The following TRAF7 variants were observed in gnomAD, a reference collection of about 807,000 sequenced individuals.
TRAF7 encodes the protein E3 ubiquitin-protein ligase TRAF7.
Under a neutral mutation model 89.3 loss-of-function variants are expected in TRAF7, and 45 were observed. That is an observed-to-expected ratio of 0.50 (90% CI 0.40 to 0.65). TRAF7 has a LOEUF of 0.65. TRAF7 is among the 30% of genes least tolerant of loss of function. The pLI is 0.00. For synonymous variants in TRAF7, 406 were observed against 369.2 expected (o/e 1.10, Z -1.14); for missense variants, 677 against 918.1 (o/e 0.74, Z 3.39).
At chr16:2,175,710 C>G (rs1328235878) in intron 17 of TRAF7, 88 bp downstream of exon 17, 15 of 1,588,338 alleles carry the variant, frequency 9.4e-6, no homozygotes, top group Non-Finnish European at 5.1e-6. Flanking sequence ...CTGCCCTGTT[C>G]CTACCTTCGC....
In TRAF7 at chr16:2,175,055, G is replaced by A. The variant is rs559464131; in HGVS notation, c.1347-56G>A. 4.5e-5 allele frequency: 72 copies of A among 1,608,746 alleles called. No individual in the cohort carries two copies. In the South Asian group the frequency reaches 6.4e-4, roughly 14 times the overall value. ...CATGGACCTCGGGCCCTGCCAGGGCGGTGTCAGCATGGACACAGCTTCTCC... is the reference window on the plus strand; with the variant it reads ...CATGGACCTCGGGCCCTGCCAGGGCAGTGTCAGCATGGACACAGCTTCTCC... On this transcript the variant is annotated intron_variant, in intron 14 of 20. Coordinates refer to ENST00000326181, the MANE Select transcript of TRAF7 (RefSeq NM_032271.3).
chr16:2,171,586 G>A lies in TRAF7; in HGVS notation c.456G>A (p.Arg152=). The A allele has an allele frequency of 6.2e-7, 1 of 1,613,348 alleles. No individual in the cohort carries two copies. The highest frequency in any genetic ancestry group is 8.5e-7 in the Non-Finnish European group (1 of 1,179,914). ...VITTCGHTFC[R]RCALKSEKCP... is the part of the protein sequence containing the mutation. ...TGCCTCCACAGCACACGTTCTGTAG[G>A]AGATGCGCCTTGAAGTCAGGTAGGT... The change falls in exon 7 of 21, where the codon AGG becomes AGA. Residue 152 remains arginine (R), a synonymous_variant. Transcript: ENST00000326181.
Position 2,163,492 on chromosome 16 carries a change from G to A in TRAF7, c.-38-391G>A, listed in dbSNP as rs751385844. ...CGTCCCGCCACGTGGGCCACACCCT[G>A]GGCCTACCCACCAAGGCCCAGCCTT... On this transcript the variant is annotated intron_variant, in intron 1 of 20. Coordinates refer to ENST00000326181, the MANE Select transcript of TRAF7 (RefSeq NM_032271.3). The surrounding 1 kb of genome is among the most constrained non-coding windows in gnomAD (Gnocchi z 4.3). 1.7e-5 allele frequency: 4 copies of A among 232,202 alleles called. No homozygotes were observed. Among genetic ancestry groups the A allele is most frequent in the Non-Finnish European group, 3.5e-5 (4 of 114,516 alleles). The allele number at this position is 232,202 out of a possible 1,614,324, so 14.4% of individuals were successfully genotyped here. A position where few individuals can be genotyped will look rare whatever the true frequency, so the allele number is the denominator to read the frequency against.
Position 2,173,462 on chromosome 16 carries a change from C to T in TRAF7, c.1013-19C>T. 1 of 1,613,120 alleles carries T rather than the reference C, an allele frequency of 6.2e-7. No homozygotes were observed. Among genetic ancestry groups the T allele is most frequent in the South Asian group, 1.1e-5 (1 of 91,078 alleles). On this transcript the variant is annotated intron_variant, in intron 10 of 20. Transcript: ENST00000326181. ...CTGCTCCGGGCACCAGTGACACCCC[C>T]TCTCCTCCTGCTACTCAGACGTCCT...
intron 1 of TRAF7, among the ~76,000 whole-genome samples, chr16:2,157,629 C>G (rs1460031244): frequency 6.6e-6 from 1 of 152,044 alleles, no homozygotes; most frequent in South Asian, 2.1e-4. Flanking sequence ...GTGTGACTCT[C>G]GGCCAGCTGG....
intron 2 of TRAF7, 48 bp downstream of exon 2, chr16:2,164,049 A>G (rs1418257721): frequency 6.5e-7 from 1 of 1,527,152 alleles, no homozygotes; most frequent in South Asian, 1.2e-5. Flanking sequence ...GACCCCCAGC[A>G]TGCCCCAGGG....
In TRAF7 at chr16:2,163,848, A is replaced by ATC; in HGVS notation, c.-38-30_-38-29dup. The ATC allele has an allele frequency of 7.2e-7, 1 of 1,384,166 alleles. No homozygotes were observed. Among genetic ancestry groups the ATC allele is most frequent in the Non-Finnish European group, 1.0e-6 (1 of 987,504 alleles). The allele number at this position is 1,384,166 out of a possible 1,614,324, so 85.7% of individuals were successfully genotyped here. A position where few individuals can be genotyped will look rare whatever the true frequency, so the allele number is the denominator to read the frequency against. On this transcript the variant is annotated intron_variant, in intron 1 of 20. Coordinates refer to ENST00000326181, the MANE Select transcript of TRAF7 (RefSeq NM_032271.3). The surrounding 1 kb of genome is among the most constrained non-coding windows in gnomAD (Gnocchi z 4.3). ...TCTGACTCACAGGGGCCTGGGCTCC[A>ATC]TCTCTCAAGCCCCTCATTTGTGCTC...
Position 2,175,962 on chromosome 16 carries a change from T to G in TRAF7, c.1746+9T>G. On this transcript the variant is annotated intron_variant, in intron 18 of 20. Coordinates refer to ENST00000326181, the MANE Select transcript of TRAF7 (RefSeq NM_032271.3). The stretch of plus-strand genomic sequence containing the variant: ...ACGAGAACCTCATCCACGTAAGGCC[T>G]GGGCATCTGGGTGCAAGGCCAGACT... 1 of 1,613,068 alleles carries G rather than the reference T, an allele frequency of 6.2e-7. No individual in the cohort carries two copies. Among genetic ancestry groups the G allele is most frequent in the South Asian group, 1.1e-5 (1 of 91,078 alleles).
At position 2,165,901 on chromosome 16, in the gene TRAF7, G is replaced by C; in HGVS notation, c.104G>C (p.Gly35Ala). 6.2e-7 allele frequency: 1 copy of C among 1,614,108 alleles called. No individual in the cohort carries two copies. Among genetic ancestry groups the C allele is most frequent in the South Asian group, 1.1e-5 (1 of 91,092 alleles). The change falls in exon 3 of 21, where the codon GGA (glycine) becomes GCA (alanine). Residue 35 changes from glycine to alanine, a missense_variant. By Grantham distance (60) the Gly-to-Ala change is moderately conservative (BLOSUM62 0). Around this residue, in one of 6 missense-constraint regions of TRAF7, gnomAD observed 240 missense variants for 191.9 expected, o/e 1.25. Transcript: ENST00000326181. ...TAGACCAGAATGGAAACGACCTTCGGACCCGCCTTTTCAGCCGTCACCACC... is the reference window on the plus strand; with the variant it reads ...TAGACCAGAATGGAAACGACCTTCGCACCCGCCTTTTCAGCCGTCACCACC... The part of the protein sequence containing the change: ...TTGTRMETTF[G>A]PAFSAVTTIT...
At chr16:2,170,555 C>A in intron 4 of TRAF7, 59 bp from the exon 5 acceptor site, 2 of 1,367,166 alleles carry the variant, frequency 1.5e-6, no homozygotes, top group Non-Finnish European at 2.1e-6. Context: ...GGGTCCTGTC[C>A]TCCCCGAGGC....
At chr16:2,164,304 CCT>C (rs2093072536) in intron 2 of TRAF7, among the ~76,000 whole-genome samples, 1 of 144,280 alleles carries the variant, frequency 6.9e-6, no homozygotes, top group Non-Finnish European at 1.5e-5. Flanking sequence ...TGCTGCGTGA[CCT>C]GGCCTGGTCG....
chr16:2,173,859 T>TGGGGGGCCC, intron 12 of TRAF7, 23 bp downstream of exon 12: 6 of 1,246,138 alleles, frequency 4.8e-6, no homozygotes, highest in Non-Finnish European at 6.6e-6. Flanking sequence ...CCGCCGTGGC[T>TGGGGGGCCC]CCCGCCCACC....
chr16:2,175,427 G>T lies in TRAF7; in HGVS notation c.1503+10G>T, dbSNP rs2141294123. 1.2e-6 allele frequency: 2 copies of T among 1,613,278 alleles called. No individual in the cohort carries two copies. The highest frequency in any genetic ancestry group is 1.7e-6 in the Non-Finnish European group (2 of 1,179,790). The stretch of plus-strand genomic sequence containing the variant: ...CCTGAAGGCCATCAAGGTACGGGTG[G>T]AGGCTGTGCCTACGTGTGTGTCACT... On this transcript the variant is annotated intron_variant, in intron 16 of 20. Transcript: ENST00000326181.
chr16:2,164,423 G>A (rs1475614600), intron 2 of TRAF7, among the ~76,000 whole-genome samples: 5 of 144,046 alleles, frequency 3.5e-5, no homozygotes, highest in South Asian at 2.2e-4. Context: ...TGAGTGCTGC[G>A]TGGCCTGGCC....
At chr16:2,175,695 T>A in intron 17 of TRAF7, 73 bp downstream of exon 17, 5 of 1,591,606 alleles carry the variant, frequency 3.1e-6, no homozygotes, top group South Asian at 1.1e-5. Context: ...CACCTGGGGC[T>A]CCATCTGCCC....
Position 2,166,366 on chromosome 16 carries a change from G to A in TRAF7, c.139+430G>A, listed in dbSNP as rs547944760. ...GGGCTTCAGTAACAGTGCTGCAGTTGTGACATGTTAATAGGAAGGGAGGGA... is the reference window on the plus strand; with the variant it reads ...GGGCTTCAGTAACAGTGCTGCAGTTATGACATGTTAATAGGAAGGGAGGGA... On this transcript the variant is annotated intron_variant, in intron 3 of 20. Transcript: ENST00000326181. Among the ~76,000 whole-genome samples, 7 of 152,298 alleles carry A rather than the reference G, an allele frequency of 4.6e-5. No homozygotes were observed. In the South Asian group the frequency reaches 6.2e-4, roughly 14 times the overall value.
intron 2 of TRAF7, among the ~76,000 whole-genome samples, chr16:2,164,605 A>T (rs1202912916): frequency 7.7e-6 from 1 of 130,544 alleles, no homozygotes; most frequent in Non-Finnish European, 1.6e-5. Flanking sequence ...GCCTGGTCGC[A>T]TGGTTAAGCG....
At chr16:2,174,644 C>G (rs2093127825) in intron 14 of TRAF7, among the ~76,000 whole-genome samples, 1 of 152,182 alleles carries the variant, frequency 6.6e-6, no homozygotes, top group South Asian at 2.1e-4. Context: ...AAGGCAGGAG[C>G]TCAGCTCTCC....
At chr16:2,175,235 G>T in intron 15 of TRAF7, 66 bp from the exon 16 acceptor site, 1 of 1,612,412 alleles carries the variant, frequency 6.2e-7, no homozygotes, top group Non-Finnish European at 8.5e-7. Context: ...GTTTCTCCCC[G>T]TCTGGGCTCC....
Sources: allele counts gnomAD v4.1 joint callset (sites outside exome capture counted in the v4.1 genomes callset), GRCh38; gene constraint gnomAD v4.1.1; regional missense constraint gnomAD v4.1.1; non-coding constraint Gnocchi (gnomAD v3.1); transcripts MANE v1.5; gene names NCBI Gene and HGNC (gene_info 2026-07-23, HGNC 2026-07-21).